The following FSTL4 variants were observed in gnomAD, a reference collection of about 807,000 sequenced individuals.
FSTL4 encodes follistatin like 4, also known as follistatin-related protein 4.
Under a neutral mutation model 78.2 loss-of-function variants are expected in FSTL4, and 28 were observed. The observed-to-expected ratio is 0.36, with a 90% CI of 0.27 to 0.49. The LOEUF (loss-of-function observed/expected upper bound fraction) is 0.49. Ranked by LOEUF, FSTL4 falls within the 20% of genes least tolerant of loss-of-function variation. The pLI is 0.98. For synonymous variants in FSTL4, 422 were observed against 440.5 expected (o/e 0.96, Z 0.53); for missense variants, 922 against 1,084.9 (o/e 0.85, Z 2.11).
rs11269337 is a variant in FSTL4 at position 133,349,295 on chromosome 5, C to CTCTGTGTGTGTGTGTGTG, written c.410-32644_410-32643insCACACACACACACACAGA. Among the ~76,000 whole-genome samples the CTCTGTGTGTGTGTGTGTG allele has an allele frequency of 6.6e-3, 921 of 139,730 alleles. 10 individuals are homozygous for CTCTGTGTGTGTGTGTGTG. The highest frequency in any genetic ancestry group is 0.023 in the East Asian group (101 of 4,478). The allele number at this position is 139,730 out of a possible 152,430, so 91.7% of individuals were successfully genotyped here. On this transcript the variant is annotated intron_variant, in intron 4 of 15. Coordinates refer to ENST00000265342, the MANE Select transcript of FSTL4 (RefSeq NM_015082.2). ...GCTCCCCTGTTGAAAGCCTCTCTCT[C>CTCTGTGTGTGTGTGTGTG]TGTGTGTGTGTGTGTGTGTGTGTGT... is the stretch of plus-strand genomic sequence containing the variant.
the FSTL4 span, among the ~76,000 whole-genome samples, chr5:133,747,108 G>C: frequency 3.8e-4 from 58 of 152,222 alleles, 1 homozygote; most frequent in African/African-American, 1.1e-3. Context: ...ATGCCACCCC[G>C]CCTGTTGTTT....
rs749749573 is a variant in FSTL4, at chr5:133,316,487, C to T, written c.575G>A (p.Gly192Asp). ...AGCCAGTTCGGAGCTGCTGAGGTGG[C>T]CATTGCCATCTGCATCTAAGTCCCT... ...LFRDLDADGN[G>D]HLSSSELAQH... The change falls in exon 5 of 16, where the codon GGC becomes GAC. Residue 192 changes from glycine to aspartate, a missense_variant. By Grantham distance (94) the Gly-to-Asp change is moderately conservative. Transcript: ENST00000265342. 7 of 1,613,982 alleles carry T rather than the reference C, an allele frequency of 4.3e-6. No individual in the cohort carries two copies. The East Asian group carries it at 1.6e-4, about 36-fold the overall frequency.
At chr5:133,813,882 A>G in the FSTL4 span, among the ~76,000 whole-genome samples, 1 of 152,240 alleles carries the variant, frequency 6.6e-6, no homozygotes, top group African/African-American at 2.4e-5. Context: ...AGAATTAATG[A>G]ATCCTATAAA....
At chr5:133,677,017 G>T in the FSTL4 span, among the ~76,000 whole-genome samples, 1 of 152,100 alleles carries the variant, frequency 6.6e-6, no homozygotes, top group Non-Finnish European at 1.5e-5. Context: ...ACCCTTCCCC[G>T]GAGAAGATGC....
At chr5:133,738,624 C>T in the FSTL4 span, among the ~76,000 whole-genome samples, 1 of 152,156 alleles carries the variant, frequency 6.6e-6, no homozygotes, top group Non-Finnish European at 1.5e-5. Flanking sequence ...GTAACTCAGG[C>T]CCTGATGCTG....
chr5:133,777,028 C>T, the FSTL4 span, among the ~76,000 whole-genome samples: 90 of 152,292 alleles, frequency 5.9e-4, no homozygotes, highest in African/African-American at 2.0e-3. Flanking sequence ...CATTCACACA[C>T]ACGTGCACAT....
intron 4 of FSTL4, among the ~76,000 whole-genome samples, chr5:133,340,956 C>T (rs965754676): frequency 6.6e-6 from 1 of 151,714 alleles, no homozygotes. Context: ...TTGTCAAAAG[C>T]TTTTAGGGTA....
At chr5:133,211,060 T>C (rs908653296) in intron 13 of FSTL4, 1 of 152,222 alleles carries the variant, frequency 6.6e-6, no homozygotes, top group Non-Finnish European at 1.5e-5. Context: ...CCTCTCTATC[T>C]ATCTTTGTTC....
intron 6 of FSTL4, among the ~76,000 whole-genome samples, chr5:133,266,155 A>C (rs1752636194): frequency 6.6e-6 from 1 of 152,172 alleles, no homozygotes; most frequent in Admixed American, 6.5e-5. Flanking sequence ...GAGCCCAGCC[A>C]GCGCTGGCCA....
chr5:133,271,387 T>C (rs1162599419), intron 6 of FSTL4, among the ~76,000 whole-genome samples: 10 of 152,322 alleles, frequency 6.6e-5, no homozygotes, highest in African/African-American at 2.2e-4. Flanking sequence ...TTTGAGAAGA[T>C]GCCTCTGCTG....
intron 3 of FSTL4, among the ~76,000 whole-genome samples, chr5:133,544,131 A>C (rs1457848936): frequency 4.6e-5 from 7 of 152,132 alleles, no homozygotes; most frequent in African/African-American, 1.7e-4. Context: ...CAAGCAATTA[A>C]TACTTAGATT....
At chr5:133,369,726 G>C (rs986830867) in intron 4 of FSTL4, among the ~76,000 whole-genome samples, 3 of 152,188 alleles carry the variant, frequency 2.0e-5, no homozygotes, top group Non-Finnish European at 4.4e-5. Flanking sequence ...ACTCTAGCAG[G>C]CTCATTTGGC....
the FSTL4 span, among the ~76,000 whole-genome samples, chr5:133,806,963 CTTA>C: frequency 8.5e-5 from 13 of 152,200 alleles, no homozygotes; most frequent in Non-Finnish European, 1.6e-4. Flanking sequence ...ACTGAAAGGA[CTTA>C]TGAGGATGCT....
the FSTL4 span, among the ~76,000 whole-genome samples, chr5:133,753,462 C>T: frequency 6.6e-6 from 1 of 152,146 alleles, no homozygotes; most frequent in East Asian, 1.9e-4. Context: ...TCAGGTGGCT[C>T]ACATTGCCTG....
Position 133,546,367 on chromosome 5 carries a change from G to A in FSTL4, c.160+20819C>T, listed in dbSNP as rs75055901. 2.5e-3 allele frequency among the ~76,000 whole-genome samples: 373 copies of A among 152,078 alleles called. 2 individuals are homozygous for A. The highest frequency in any genetic ancestry group is 8.5e-3 in the African/African-American group (354 of 41,486). ...CTAAAAATACAAAAATTAGCCAGGC[G>A]TGGTGGCACGTGCCTGTAATCCCAG... On this transcript the variant is annotated intron_variant, in intron 3 of 15. Coordinates refer to ENST00000265342, the MANE Select transcript of FSTL4 (RefSeq NM_015082.2).
intron 3 of FSTL4, among the ~76,000 whole-genome samples, chr5:133,499,704 C>T (rs919526755): frequency 3.3e-5 from 5 of 152,056 alleles, no homozygotes; most frequent in South Asian, 4.2e-4. Flanking sequence ...GGATTTGGGG[C>T]CTCTGACATG....
At chr5:133,339,193 A>G (rs1754533400) in intron 4 of FSTL4, among the ~76,000 whole-genome samples, 1 of 152,082 alleles carries the variant, frequency 6.6e-6, no homozygotes, top group African/African-American at 2.4e-5. Flanking sequence ...CCCCTTTCCA[A>G]GCCTCTTCAG....
At chr5:133,637,318 C>T in the FSTL4 span, among the ~76,000 whole-genome samples, 1 of 152,074 alleles carries the variant, frequency 6.6e-6, no homozygotes, top group African/African-American at 2.4e-5. Context: ...TCATCTACGA[C>T]CTCCCCATTG....
chr5:133,505,081 CAG>C (rs1160753128), intron 3 of FSTL4, among the ~76,000 whole-genome samples: 3 of 152,010 alleles, frequency 2.0e-5, no homozygotes, highest in African/African-American at 7.3e-5. Flanking sequence ...ATAGATTGTA[CAG>C]GAAGATTTCA....
Sources: allele counts gnomAD v4.1 joint callset (sites outside exome capture counted in the v4.1 genomes callset), GRCh38; gene constraint gnomAD v4.1.1; transcripts MANE v1.5; gene names NCBI Gene and HGNC (gene_info 2026-07-23, HGNC 2026-07-21).